The following TRPM3 variants were observed in gnomAD, a reference collection of about 807,000 sequenced individuals.
The protein encoded by TRPM3 is transient receptor potential cation channel subfamily M member 3.
In TRPM3, 77 loss-of-function variants were observed where a neutral mutation model predicts 181.2. That is an observed-to-expected ratio of 0.42 (90% CI 0.35 to 0.51). The LOEUF (loss-of-function observed/expected upper bound fraction) is 0.51. TRPM3 is among the 20% of genes least tolerant of loss of function. The pLI is 0.01. For synonymous variants in TRPM3, 745 were observed against 796.4 expected (o/e 0.94, Z 1.09); for missense variants, 1,759 against 2,196.7 (o/e 0.80, Z 3.98).
chr9:71,090,949 C>A (rs1013135832), intron 1 of TRPM3, among the ~76,000 whole-genome samples: 2 of 152,030 alleles, frequency 1.3e-5, no homozygotes, highest in Non-Finnish European at 2.9e-5. Flanking sequence ...AATTTTCAGA[C>A]CCTTGATTTA....
intron 1 of TRPM3, among the ~76,000 whole-genome samples, chr9:71,374,239 T>A (rs1035067312): frequency 1.3e-5 from 2 of 152,022 alleles, no homozygotes; most frequent in Admixed American, 6.6e-5. Context: ...CCAGGTGTGG[T>A]GGCACGTGCC....
intron 1 of TRPM3, among the ~76,000 whole-genome samples, chr9:70,883,240 C>CA (rs922366164): frequency 1.2e-4 from 19 of 152,040 alleles, no homozygotes; most frequent in Non-Finnish European, 2.4e-4. Context: ...GACTCAGGAG[C>CA]AAAAAATCCA....
rs1589997457 is a variant in TRPM3 at position 70,665,939 on chromosome 9, G to A, written c.1345+15567C>T. Among the ~76,000 whole-genome samples the A allele has an allele frequency of 3.3e-5, 5 of 152,278 alleles. No individual in the cohort carries two copies. The East Asian group carries it at 7.7e-4, about 24-fold the overall frequency. On this transcript the variant is annotated intron_variant, in intron 9 of 25. Transcript: ENST00000677713. ...CCATATATGCTTCATTTTTACTAAA[G>A]TTATACATGCACAGAGTTGAGAGTC...
At chr9:70,588,205 T>C (rs1227907306) in intron 22 of TRPM3, among the ~76,000 whole-genome samples, 2 of 152,216 alleles carry the variant, frequency 1.3e-5, no homozygotes, top group Admixed American at 6.5e-5. Flanking sequence ...TCCAGTATCT[T>C]AGGCTTTATT....
At chr9:71,307,214 T>C (rs917178721) in intron 1 of TRPM3, among the ~76,000 whole-genome samples, 4 of 152,204 alleles carry the variant, frequency 2.6e-5, no homozygotes, top group Non-Finnish European at 5.9e-5. Flanking sequence ...ATATGATTAG[T>C]GGCTTCATGG....
chr9:71,409,607 G>A (rs2093504289), intron 1 of TRPM3, among the ~76,000 whole-genome samples: 2 of 152,224 alleles, frequency 1.3e-5, no homozygotes, highest in South Asian at 4.1e-4. Context: ...GATTCATAAA[G>A]CAAGTCCTTA....
Position 70,679,582 on chromosome 9 carries a change from C to T in TRPM3, c.1345+1924G>A, listed in dbSNP as rs1389956641. ...AAGGGATGCGTTTTTTATCTCCATA[C>T]ATAAGTGAGGGCTATGGGGTCAGAC... On this transcript the variant is annotated intron_variant, in intron 9 of 25. Coordinates refer to ENST00000677713, the MANE Select transcript of TRPM3 (RefSeq NM_001366145.2). 5.3e-5 allele frequency among the ~76,000 whole-genome samples: 8 copies of T among 152,148 alleles called. No homozygotes were observed. In the East Asian group the frequency reaches 1.5e-3, roughly 29 times the overall value.
chr9:71,316,173 A>G (rs80099080), intron 1 of TRPM3, among the ~76,000 whole-genome samples: 3,655 of 152,300 alleles, frequency 0.024, 134 homozygotes, highest in African/African-American at 0.083. Context: ...CTCTATGTGC[A>G]AAGTGTGGCA....
chr9:70,747,387 A>G (rs984753638), intron 8 of TRPM3, among the ~76,000 whole-genome samples: 1 of 152,144 alleles, frequency 6.6e-6, no homozygotes, highest in Non-Finnish European at 1.5e-5. Context: ...GAACAATATC[A>G]GGGAAATAGA....
At chr9:70,846,701 T>TA in intron 3 of TRPM3, 110 bp from the exon 4 acceptor site, 4 of 831,102 alleles carry the variant, frequency 4.8e-6, no homozygotes, top group Non-Finnish European at 7.5e-6. Context: ...ACGTCTCATA[T>TA]AAAATCAGAT....
chr9:70,873,093 T>G (rs529956751), intron 1 of TRPM3, among the ~76,000 whole-genome samples: 1 of 152,028 alleles, frequency 6.6e-6, no homozygotes, highest in South Asian at 2.1e-4. Flanking sequence ...ATTTAAAAAC[T>G]AGAGTAAAAA....
chr9:71,188,190 TC>T, intron 1 of TRPM3, among the ~76,000 whole-genome samples: 1 of 152,028 alleles, frequency 6.6e-6, no homozygotes, highest in Admixed American at 6.6e-5. Context: ...ATGGTAAATG[TC>T]AAATTGCTTT....
In TRPM3 at chr9:70,535,797, C is replaced by T; in HGVS notation, c.*156G>A. The T allele has an allele frequency of 6.7e-7, 1 of 1,493,290 alleles. No individual in the cohort carries two copies. Among genetic ancestry groups the T allele is most frequent in the African/African-American group, 1.4e-5 (1 of 71,560 alleles). 92.5% of individuals were successfully genotyped at this position (1,493,290 alleles called of 1,614,324 possible). On this transcript the variant is annotated 3_prime_UTR_variant, in exon 26 of 26. Coordinates refer to ENST00000677713, the MANE Select transcript of TRPM3 (RefSeq NM_001366145.2). Reference sequence around the variant, plus strand: ...ATCAAATGCTTTCTTGATCTGTGGCCCAGAAGTCACCTTTGAGTTAACACC... The same window carrying T: ...ATCAAATGCTTTCTTGATCTGTGGCTCAGAAGTCACCTTTGAGTTAACACC...
At chr9:71,043,775 G>T (rs565079974) in intron 1 of TRPM3, among the ~76,000 whole-genome samples, 69 of 152,300 alleles carry the variant, frequency 4.5e-4, no homozygotes, top group African/African-American at 1.6e-3. Flanking sequence ...ACTGACAAGC[G>T]AATCTATGTT....
At chr9:70,954,486 A>G (rs1564835842) in intron 1 of TRPM3, among the ~76,000 whole-genome samples, 1 of 152,178 alleles carries the variant, frequency 6.6e-6, no homozygotes, top group Non-Finnish European at 1.5e-5. Context: ...TTTTTATAGT[A>G]TTAACATCAG....
At chr9:71,012,664 G>A (rs1398016031) in intron 1 of TRPM3, among the ~76,000 whole-genome samples, 3 of 151,774 alleles carry the variant, frequency 2.0e-5, no homozygotes, top group Non-Finnish European at 2.9e-5. Context: ...ATTTCATGAC[G>A]TGAAATTTTA....
chr9:71,088,701 G>A (rs1265901230), intron 1 of TRPM3, among the ~76,000 whole-genome samples: 1 of 152,100 alleles, frequency 6.6e-6, no homozygotes, highest in South Asian at 2.1e-4. Flanking sequence ...CTAGTTCAAG[G>A]TAACATAATT....
chr9:71,105,108 T>C (rs1229475925), intron 1 of TRPM3, among the ~76,000 whole-genome samples: 1 of 152,194 alleles, frequency 6.6e-6, no homozygotes, highest in Non-Finnish European at 1.5e-5. Flanking sequence ...AAATCAGCTA[T>C]GCTGTATTCA....
intron 3 of TRPM3, among the ~76,000 whole-genome samples, chr9:70,852,992 A>T (rs997823692): frequency 6.6e-6 from 1 of 152,056 alleles, no homozygotes; most frequent in Admixed American, 6.6e-5. Context: ...CCCATGGGTC[A>T]ATTTTATCTC....
Sources: allele counts gnomAD v4.1 joint callset (sites outside exome capture counted in the v4.1 genomes callset), GRCh38; gene constraint gnomAD v4.1.1; transcripts MANE v1.5; gene names NCBI Gene and HGNC (gene_info 2026-07-23, HGNC 2026-07-21).